SLC16A14: variants seen among roughly 807,000 people sequenced by gnomAD.
The protein encoded by SLC16A14 is monocarboxylate transporter 14.
SLC16A14 carries 14 observed loss-of-function variants against 35.8 expected under a neutral mutation model. That is an observed-to-expected ratio of 0.39 (90% confidence interval 0.26 to 0.61). The LOEUF is 0.61. Among genes scored for constraint, SLC16A14 ranks in the 20% least tolerant of loss-of-function variants. The pLI is 0.51. For missense variants in SLC16A14, 533 were observed against 655.0 expected, an observed-to-expected ratio of 0.81 and a Z score of 2.03; for synonymous variants, 248 against 258.9, an observed-to-expected ratio of 0.96 and a Z score of 0.40.
In SLC16A14 at chr2:230,046,786, G is replaced by T. The variant is rs1160788709; in HGVS notation, c.404-64C>A. On this transcript the variant is annotated intron_variant, in intron 3 of 4. Transcript: ENST00000295190. This position sits in a 1 kb window ranked among gnomAD's most constrained non-coding sequence, Gnocchi z 5.0. ...ACATCAGTGGCCATATCCAGAATTC[G>T]CAGCAAAGATCACCTGCATTTCCTT... 6.7e-6 allele frequency: 10 copies of T among 1,497,620 alleles called. No homozygotes were observed. The highest frequency in any genetic ancestry group is 1.4e-5 in the African/African-American group (1 of 71,916). The allele number at this position is 1,497,620 out of a possible 1,614,324, so 92.8% of individuals were successfully genotyped here. A position where few individuals can be genotyped will look rare whatever the true frequency, so the allele number is the denominator to read the frequency against.
At chr2:230,054,087 G>GC (rs1553820337) in intron 2 of SLC16A14, among the ~76,000 whole-genome samples, 5 of 84,312 alleles carry the variant, frequency 5.9e-5, no homozygotes, top group East Asian at 3.9e-4. Flanking sequence ...AGCCTGAGGT[G>GC]GGGGGGGAAG....
At chr2:230,057,054 C>T (rs1269874742) in intron 2 of SLC16A14, among the ~76,000 whole-genome samples, 3 of 151,848 alleles carry the variant, frequency 2.0e-5, no homozygotes, top group Non-Finnish European at 4.4e-5. Flanking sequence ...GATTAGAGGC[C>T]GTTTATGTTT....
At position 230,037,166 on chromosome 2, in the gene SLC16A14, A is replaced by C. The variant is rs1485868897; in HGVS notation, c.*214T>G. On this transcript the variant is annotated 3_prime_UTR_variant, in exon 5 of 5. Transcript: ENST00000295190. ...CTTTGAACAACACTGTCATCTCTAG[A>C]ATGTATGTAGTCCTTAAGATCTTCC... 2 of 359,722 alleles carry C rather than the reference A, an allele frequency of 5.6e-6. No individual in the cohort carries two copies. The allele number at this position is 359,722 out of a possible 1,614,324, so 22.3% of individuals were successfully genotyped here.
At chr2:230,049,012 T>C (rs113269826) in intron 3 of SLC16A14, among the ~76,000 whole-genome samples, 1,617 of 149,178 alleles carry the variant, frequency 0.011, 30 homozygotes, top group African/African-American at 0.038. Flanking sequence ...TATTTACTTA[T>C]GTATTTATGT....
rs1455496508 is a variant in SLC16A14 at position 230,038,817 on chromosome 2, G to C, written c.1382-1286C>G. Among the ~76,000 whole-genome samples, 1 of 152,108 alleles carries C rather than the reference G, an allele frequency of 6.6e-6. No homozygotes were observed. The highest frequency in any genetic ancestry group is 1.5e-5 in the Non-Finnish European group (1 of 68,026). On this transcript the variant is annotated intron_variant, in intron 4 of 4. Transcript: ENST00000295190. The surrounding 1 kb of genome is among the most constrained non-coding windows in gnomAD (Gnocchi z 4.4). ...AGCTACCCAGGAGGCTGAGGCATGAGAATTGCTGGAACCCAGGAGGCAGAG... is the reference window on the plus strand; with the variant it reads ...AGCTACCCAGGAGGCTGAGGCATGACAATTGCTGGAACCCAGGAGGCAGAG...
intron 1 of SLC16A14, among the ~76,000 whole-genome samples, chr2:230,059,724 A>G (rs760175740): frequency 7.9e-5 from 12 of 152,212 alleles, no homozygotes; most frequent in Non-Finnish European, 1.5e-4. Context: ...TGTCTCCCTT[A>G]TAGAGATGGA....
chr2:230,052,095 C>A (rs891695178), intron 2 of SLC16A14, among the ~76,000 whole-genome samples: 1 of 152,068 alleles, frequency 6.6e-6, no homozygotes, highest in Non-Finnish European at 1.5e-5. Flanking sequence ...CGCCACCATG[C>A]CTGGCTAATT....
chr2:230,064,374 G>C (rs140647693), intron 1 of SLC16A14, among the ~76,000 whole-genome samples: 15 of 152,074 alleles, frequency 9.9e-5, no homozygotes, highest in Non-Finnish European at 1.8e-4. Flanking sequence ...GTCTGAGCCT[G>C]CTTGGGGCTA....
chr2:230,050,382 GCA>G (rs1351731116), intron 2 of SLC16A14, among the ~76,000 whole-genome samples: 5 of 152,206 alleles, frequency 3.3e-5, no homozygotes, highest in Non-Finnish European at 7.3e-5. Context: ...CCAGTTTGCT[GCA>G]GTCTCTATCC....
intron 1 of SLC16A14, among the ~76,000 whole-genome samples, chr2:230,060,589 T>A (rs1209903485): frequency 6.6e-6 from 1 of 152,138 alleles, no homozygotes. Flanking sequence ...CTTGAACTCC[T>A]GGCTTCAAGC....
At chr2:230,058,710 G>A (rs2077727055) in intron 2 of SLC16A14, among the ~76,000 whole-genome samples, 1 of 151,920 alleles carries the variant, frequency 6.6e-6, no homozygotes, top group Non-Finnish European at 1.5e-5. Context: ...TCAGCTCACT[G>A]CAACCTCCAC....
intron 4 of SLC16A14, among the ~76,000 whole-genome samples, chr2:230,044,358 A>T (rs2077583647): frequency 1.3e-5 from 2 of 151,958 alleles, no homozygotes; most frequent in Admixed American, 1.3e-4. Flanking sequence ...CACACCTGTA[A>T]TCCCAGCTAC....
chr2:230,065,867 A>C (rs961778252), intron 1 of SLC16A14, among the ~76,000 whole-genome samples: 2 of 152,144 alleles, frequency 1.3e-5, no homozygotes, highest in Non-Finnish European at 2.9e-5. Context: ...TAGAGGGTGT[A>C]TCTGTACCCC....
intron 2 of SLC16A14, among the ~76,000 whole-genome samples, chr2:230,056,501 T>G (rs4973254): frequency 0.7 from 106,057 of 151,782 alleles, 37,367 homozygotes; most frequent in Non-Finnish European, 0.73. Context: ...GGTGATCCGC[T>G]CGCCTCAGCC....
intron 3 of SLC16A14, among the ~76,000 whole-genome samples, chr2:230,049,236 ATTTTTTTTT>A (rs11420320): frequency 7.1e-6 from 1 of 141,538 alleles, no homozygotes. Context: ...CACTTGGCTA[ATTTTTTTTT>A]TTTTTTGTAT....
intron 1 of SLC16A14, among the ~76,000 whole-genome samples, chr2:230,062,928 C>A (rs903127598): frequency 6.6e-6 from 1 of 152,208 alleles, no homozygotes; most frequent in Non-Finnish European, 1.5e-5. Flanking sequence ...TGGGTCCTTC[C>A]TCCTTCACAC....
intron 2 of SLC16A14, among the ~76,000 whole-genome samples, chr2:230,058,535 G>A (rs140602132): frequency 1.7e-3 from 260 of 152,200 alleles, no homozygotes; most frequent in African/African-American, 5.1e-3. Context: ...TACAGTTTCC[G>A]TTTGGGAAGA....
intron 2 of SLC16A14, among the ~76,000 whole-genome samples, chr2:230,057,470 T>A (rs1466816307): frequency 2.0e-5 from 3 of 152,080 alleles, no homozygotes; most frequent in African/African-American, 4.8e-5. Flanking sequence ...AAACAATTTT[T>A]TAAAAAAAGA....
chr2:230,065,862 G>A (rs1318559401), intron 1 of SLC16A14, among the ~76,000 whole-genome samples: 1 of 151,930 alleles, frequency 6.6e-6, no homozygotes, highest in Non-Finnish European at 1.5e-5. Context: ...GAACTTAGAG[G>A]GTGTATCTGT....
Sources: gnomAD v4.1 joint callset for allele counts (sites outside exome capture counted in the v4.1 genomes callset) on GRCh38, gnomAD v4.1.1 for gene constraint, Gnocchi (gnomAD v3.1) non-coding constraint, MANE v1.5 for transcripts, NCBI Gene and HGNC (gene_info 2026-07-23, HGNC 2026-07-21) for gene names.